Variants in SMYD3 observed in about 807,000 individuals in gnomAD.
SMYD3 encodes the protein SET and MYND domain containing 3.
SMYD3 carries 36 observed loss-of-function variants against 57.7 expected under a neutral mutation model. That is an observed-to-expected ratio of 0.62 (90% CI 0.48 to 0.82). The LOEUF is 0.82. Ranked by LOEUF, SMYD3 falls within the 40% of genes least tolerant of loss-of-function variation. SMYD3 has a pLI of 0.00. For synonymous variants in SMYD3, 211 were observed against 195.0 expected, an observed-to-expected ratio of 1.08 and a Z score of -0.68; for missense variants, 515 against 538.8, an observed-to-expected ratio of 0.96 and a Z score of 0.44.
At chr1:246,215,291 C>A (rs10924557) in intron 5 of SMYD3, among the ~76,000 whole-genome samples, 40,324 of 151,996 alleles carry the variant, frequency 0.27, 6,080 homozygotes, top group East Asian at 0.58. Flanking sequence ...ATAAAATATA[C>A]ATATTTAAAA....
chr1:246,431,715 C>G (rs1300195112), intron 1 of SMYD3, among the ~76,000 whole-genome samples: 1 of 152,104 alleles, frequency 6.6e-6, no homozygotes, highest in Non-Finnish European at 1.5e-5. Flanking sequence ...CTGGGCAACA[C>G]AGTGAGATCC....
intron 5 of SMYD3, among the ~76,000 whole-genome samples, chr1:245,958,604 C>T (rs1423468870): frequency 2.6e-5 from 4 of 152,188 alleles, no homozygotes; most frequent in African/African-American, 9.7e-5. Context: ...TAGCAAAGTA[C>T]ATACCCCTAA....
intron 5 of SMYD3, among the ~76,000 whole-genome samples, chr1:246,096,847 T>C (rs1180901973): frequency 1.3e-5 from 2 of 152,200 alleles, no homozygotes; most frequent in African/African-American, 2.4e-5. Flanking sequence ...AAAAGACATG[T>C]GCAACAACCA....
In SMYD3 at chr1:245,954,679, C is replaced by T. The variant is rs571677420; in HGVS notation, c.532-24742G>A. 2.8e-4 allele frequency among the ~76,000 whole-genome samples: 42 copies of T among 152,246 alleles called. No homozygotes were observed. In the South Asian group the frequency reaches 3.9e-3, roughly 14 times the overall value. Reference sequence around the variant, plus strand: ...AGCCTTGGTGACACAGCAAGACTGTCGCAAATTAAATTTTAAAACAGTGGT... The same window carrying T: ...AGCCTTGGTGACACAGCAAGACTGTTGCAAATTAAATTTTAAAACAGTGGT... On this transcript the variant is annotated intron_variant, in intron 5 of 11. Coordinates refer to ENST00000490107, the MANE Select transcript of SMYD3 (RefSeq NM_001167740.2).
intron 5 of SMYD3, among the ~76,000 whole-genome samples, chr1:246,258,278 G>A (rs555132418): frequency 8.6e-5 from 13 of 152,022 alleles, no homozygotes; most frequent in South Asian, 4.2e-4. Context: ...CTCGTGATCC[G>A]CCCACCTCGG....
chr1:246,386,161 T>A (rs2066477021), intron 1 of SMYD3, among the ~76,000 whole-genome samples: 2 of 152,198 alleles, frequency 1.3e-5, no homozygotes, highest in African/African-American at 4.8e-5. Flanking sequence ...GTACTGAGAT[T>A]ACAGGCATGA....
At chr1:246,210,261 T>C (rs1362327645) in intron 5 of SMYD3, among the ~76,000 whole-genome samples, 2 of 152,104 alleles carry the variant, frequency 1.3e-5, no homozygotes, top group East Asian at 1.9e-4. Flanking sequence ...CCTGCAGCAA[T>C]GGTGCCTACC....
intron 8 of SMYD3, among the ~76,000 whole-genome samples, chr1:245,898,449 T>C (rs567742431): frequency 2.0e-5 from 3 of 152,276 alleles, no homozygotes; most frequent in African/African-American, 7.2e-5. Context: ...AATGTTAGGG[T>C]CGCAACTAGA....
rs1409883112 is a variant in SMYD3 at position 246,202,133 on chromosome 1, G to T, written c.531+125068C>A. Among the ~76,000 whole-genome samples, 1 of 151,940 alleles carries T rather than the reference G, an allele frequency of 6.6e-6. No homozygotes were observed. The highest frequency in any genetic ancestry group is 6.6e-5 in the Admixed American group (1 of 15,254). On this transcript the variant is annotated intron_variant, in intron 5 of 11. Coordinates refer to ENST00000490107, the MANE Select transcript of SMYD3 (RefSeq NM_001167740.2). This position sits in a 1 kb window ranked among gnomAD's most constrained non-coding sequence, Gnocchi z 4.1. ...ATTTCTAGATGGTGAGCTAATGGGT[G>T]ATTTTTATTTAATACTTTTACTTAA...
intron 1 of SMYD3, among the ~76,000 whole-genome samples, chr1:246,379,886 G>A (rs1381413551): frequency 3.9e-5 from 6 of 151,912 alleles, no homozygotes; most frequent in African/African-American, 1.5e-4. Context: ...TGTAATCCCA[G>A]CTACTCAAGA....
At chr1:245,774,748 T>C (rs111509579) in intron 10 of SMYD3, among the ~76,000 whole-genome samples, 59,946 of 144,216 alleles carry the variant, frequency 0.42, 14,031 homozygotes, top group East Asian at 0.78. Flanking sequence ...CCTCTGATGC[T>C]GAGCCGAAGC....
chr1:245,974,436 C>T (rs1394231654), intron 5 of SMYD3, among the ~76,000 whole-genome samples: 1 of 152,198 alleles, frequency 6.6e-6, no homozygotes, highest in Non-Finnish European at 1.5e-5. Flanking sequence ...TCATTTTTCC[C>T]ATCTCCTACA....
chr1:246,366,573 A>T (rs1363089620), intron 1 of SMYD3, among the ~76,000 whole-genome samples: 1 of 79,032 alleles, frequency 1.3e-5, no homozygotes, highest in Non-Finnish European at 2.5e-5. Flanking sequence ...TTTTTCTCTT[A>T]AAAAAAAAAA....
intron 5 of SMYD3, among the ~76,000 whole-genome samples, chr1:246,236,020 A>G (rs2063507991): frequency 6.6e-6 from 1 of 152,200 alleles, no homozygotes; most frequent in Non-Finnish European, 1.5e-5. Context: ...ATAATTGGAT[A>G]TATACATTCC....
chr1:246,207,025 G>A (rs372278669), intron 5 of SMYD3, among the ~76,000 whole-genome samples: 2 of 151,994 alleles, frequency 1.3e-5, no homozygotes, highest in Non-Finnish European at 2.9e-5. Context: ...TTCATTAGTG[G>A]GCATTACCAG....
chr1:245,923,541 A>C (rs559886863), intron 7 of SMYD3, among the ~76,000 whole-genome samples: 14 of 152,276 alleles, frequency 9.2e-5, no homozygotes, highest in African/African-American at 3.4e-4. Flanking sequence ...ATTGATGAGA[A>C]CTGCTTCCTA....
chr1:246,374,868 G>A lies in SMYD3; in HGVS notation c.165-19774C>T, dbSNP rs578009452. ...AGCAGTTTGGGGGGCCGAGGCAGGC[G>A]GATCACCTGAGGTCAGGAGTTCAAC... On this transcript the variant is annotated intron_variant, in intron 1 of 11. Transcript: ENST00000490107. Among the ~76,000 whole-genome samples, 7 of 152,132 alleles carry A rather than the reference G, an allele frequency of 4.6e-5. No homozygotes were observed. In the South Asian group the frequency reaches 1.0e-3, roughly 23 times the overall value.
chr1:246,506,989 G>A, intron 1 of SMYD3, 65 bp downstream of exon 1: 1 of 649,302 alleles, frequency 1.5e-6, no homozygotes, highest in Non-Finnish European at 2.1e-6. Flanking sequence ...GCCGCCCGAC[G>A]CCCCCCCCTC....
At chr1:246,051,652 CA>C (rs199982021) in intron 5 of SMYD3, among the ~76,000 whole-genome samples, 3,833 of 131,224 alleles carry the variant, frequency 0.029, 148 homozygotes, top group East Asian at 0.18. Context: ...TTCTGCAGTA[CA>C]AAAAAAAAAA....
Sources: gnomAD v4.1 joint callset for allele counts (sites outside exome capture counted in the v4.1 genomes callset) on GRCh38, gnomAD v4.1.1 for gene constraint, Gnocchi (gnomAD v3.1) non-coding constraint, MANE v1.5 for transcripts, NCBI Gene and HGNC (gene_info 2026-07-23, HGNC 2026-07-21) for gene names.